The following C1QTNF7 variants were observed in gnomAD, a reference collection of about 807,000 sequenced individuals.
The protein encoded by C1QTNF7 is complement C1q tumor necrosis factor-related protein 7.
C1QTNF7 carries 15 observed loss-of-function variants against 19.6 expected under a neutral mutation model. The observed-to-expected ratio is 0.76, with a 90% CI of 0.51 to 1.18. The LOEUF is 1.18. C1QTNF7 is among the 50% of genes most tolerant of loss of function. C1QTNF7 has a pLI of 0.00. For missense variants in C1QTNF7, 324 were observed against 359.7 expected (o/e 0.90, Z 0.80); for synonymous variants, 142 against 137.5 (o/e 1.03, Z -0.23).
chr4:15,381,226 G>A (rs1718129000), intron 1 of C1QTNF7, among the ~76,000 whole-genome samples: 1 of 151,788 alleles, frequency 6.6e-6, no homozygotes, highest in Admixed American at 6.6e-5. Context: ...GACAATCCTG[G>A]CTAACACAGT....
intron 1 of C1QTNF7, among the ~76,000 whole-genome samples, chr4:15,356,102 CT>C (rs532103445): frequency 9.2e-5 from 14 of 151,724 alleles, no homozygotes; most frequent in African/African-American, 2.9e-4. Context: ...TTTTCAGTTT[CT>C]TTTTTTTATT....
At chr4:15,376,431 T>C (rs1216326390) in intron 1 of C1QTNF7, among the ~76,000 whole-genome samples, 1 of 152,226 alleles carries the variant, frequency 6.6e-6, no homozygotes, top group Non-Finnish European at 1.5e-5. Flanking sequence ...GCAGAGTTCC[T>C]GGAGACACAA....
At position 15,407,142 on chromosome 4, in the gene C1QTNF7, T is replaced by C. The variant is rs542559129; in HGVS notation, c.14-28594T>C. ...GCACATGTAAATGTTTAAGAGTCTC[T>C]CCTGGGCATGGAAAAAGTGTGTCAG... On this transcript the variant is annotated intron_variant, in intron 1 of 2. Coordinates refer to the C1QTNF7 transcript ENST00000295297. Among the ~76,000 whole-genome samples the C allele has an allele frequency of 7.9e-5, 12 of 152,250 alleles. No individual in the cohort carries two copies. The South Asian group carries it at 2.5e-3, about 32-fold the overall frequency.
chr4:15,383,383 C>T (rs1718218533), intron 1 of C1QTNF7, among the ~76,000 whole-genome samples: 1 of 152,274 alleles, frequency 6.6e-6, no homozygotes, highest in East Asian at 1.9e-4. Flanking sequence ...CAGACTTAAG[C>T]CTTTCCTAGA....
chr4:15,365,216 G>T (rs1717471555), intron 1 of C1QTNF7, among the ~76,000 whole-genome samples: 1 of 151,910 alleles, frequency 6.6e-6, no homozygotes, highest in African/African-American at 2.4e-5. Flanking sequence ...TTGTCAAATA[G>T]CAAGGGAAAG....
At position 15,442,606 on chromosome 4, in the gene C1QTNF7, G is replaced by A. The variant is rs770797389; in HGVS notation, c.677G>A (p.Gly226Glu). Residue 226 changes from glycine (G) to glutamate (E), a missense_variant, in exon 3 of 3, where the codon GGA becomes GAA. Gly to Glu is a moderately conservative substitution (Grantham distance 98, BLOSUM62 -2). Coordinates refer to ENST00000444304, the MANE Select transcript of C1QTNF7 (RefSeq NM_031911.5). The part of the protein sequence containing the change: ...YRIKTFDANT[G>E]NHDVASGSTV... ...ATAAAGACCTTCGACGCCAACACAG[G>A]AAACCATGATGTGGCTTCGGGGTCC... 2 of 1,614,186 alleles carry A rather than the reference G, an allele frequency of 1.2e-6. No individual in the cohort carries two copies. The highest frequency in any genetic ancestry group is 1.7e-6 in the Non-Finnish European group (2 of 1,180,034).
At chr4:15,346,157 G>A (rs28703277) in intron 1 of C1QTNF7, among the ~76,000 whole-genome samples, 2,022 of 152,122 alleles carry the variant, frequency 0.013, 35 homozygotes, top group African/African-American at 0.046. Flanking sequence ...ATATAGTAAC[G>A]AACCCAAAGA....
At chr4:15,440,392 T>C (rs1712706246) in intron 2 of C1QTNF7, among the ~76,000 whole-genome samples, 1 of 148,266 alleles carries the variant, frequency 6.7e-6, no homozygotes, top group South Asian at 2.2e-4. Context: ...GTCCTAGCAT[T>C]GGTACAGAAG....
At chr4:15,361,305 G>A (rs1013865373) in intron 1 of C1QTNF7, 3 of 151,676 alleles carry the variant, frequency 2.0e-5, no homozygotes, top group African/African-American at 7.3e-5. Flanking sequence ...GGCTTGGGGA[G>A]ATTATTCAAA....
chr4:15,368,109 T>C (rs535593058), intron 1 of C1QTNF7, among the ~76,000 whole-genome samples: 1 of 152,300 alleles, frequency 6.6e-6, no homozygotes, highest in Admixed American at 6.5e-5. Context: ...TCTGCTTTTT[T>C]GTCACTGTGG....
At chr4:15,374,853 TTCTCTC>T in intron 1 of C1QTNF7, 2 of 580,566 alleles carry the variant, frequency 3.4e-6, no homozygotes, top group Non-Finnish European at 4.3e-6. Flanking sequence ...ATGTTGGTGT[TTCTCTC>T]TCTCTCTCTC....
chr4:15,353,085 C>A (rs955618412), intron 1 of C1QTNF7, among the ~76,000 whole-genome samples: 2 of 152,104 alleles, frequency 1.3e-5, no homozygotes, highest in South Asian at 2.1e-4. Flanking sequence ...ATTTGGTCTG[C>A]AGACTGTAGT....
At chr4:15,440,179 T>A (rs570884017) in intron 2 of C1QTNF7, among the ~76,000 whole-genome samples, 1 of 152,138 alleles carries the variant, frequency 6.6e-6, no homozygotes, top group African/African-American at 2.4e-5. Flanking sequence ...TATGGTGATT[T>A]GGAATTTGTG....
chr4:15,372,018 C>T (rs1317568757), intron 1 of C1QTNF7, among the ~76,000 whole-genome samples: 2 of 152,008 alleles, frequency 1.3e-5, no homozygotes, highest in African/African-American at 2.4e-5. Context: ...GGGTTCTTGT[C>T]GTCATGGTTT....
chr4:15,421,956 T>C (rs753229536), intron 1 of C1QTNF7, among the ~76,000 whole-genome samples: 19 of 152,156 alleles, frequency 1.2e-4, no homozygotes, highest in Admixed American at 2.0e-4. Context: ...TGTAAGATTC[T>C]ATTTATATGA....
At chr4:15,341,429 G>A (rs775887990) in intron 1 of C1QTNF7, among the ~76,000 whole-genome samples, 7 of 152,192 alleles carry the variant, frequency 4.6e-5, no homozygotes, top group Non-Finnish European at 7.3e-5. Flanking sequence ...AAAGTGGACT[G>A]TTGTGGCTTC....
upstream of C1QTNF7, among the ~76,000 whole-genome samples, chr4:15,424,021 A>T (rs1711923023): frequency 6.6e-6 from 1 of 151,934 alleles, no homozygotes; most frequent in Non-Finnish European, 1.5e-5. Context: ...ATAAAAAATA[A>T]CCTCATTTTT....
chr4:15,399,989 T>A (rs894120931), intron 1 of C1QTNF7, among the ~76,000 whole-genome samples: 1 of 152,230 alleles, frequency 6.6e-6, no homozygotes, highest in East Asian at 1.9e-4. Flanking sequence ...ATCCAATTTT[T>A]CTGAGGCCAT....
At chr4:15,365,541 C>A (rs58164867) in intron 1 of C1QTNF7, among the ~76,000 whole-genome samples, 78 of 152,274 alleles carry the variant, frequency 5.1e-4, no homozygotes, top group African/African-American at 1.8e-3. Flanking sequence ...CTGTTAGTCA[C>A]AACTCTTTTG....
Sources: gnomAD v4.1 joint callset for allele counts (sites outside exome capture counted in the v4.1 genomes callset) on GRCh38, gnomAD v4.1.1 for gene constraint, MANE v1.5 for transcripts, NCBI Gene and HGNC (gene_info 2026-07-23, HGNC 2026-07-21) for gene names.